The following ATXN2 variants were observed in gnomAD, a reference collection of about 807,000 sequenced individuals.
ATXN2 encodes the protein ataxin-2.
Under a neutral mutation model 138.6 loss-of-function variants are expected in ATXN2, and 37 were observed. That is an observed-to-expected ratio of 0.27 (90% confidence interval 0.21 to 0.35). The LOEUF (loss-of-function observed/expected upper bound fraction) is 0.35, where lower values mean the gene tolerates loss of function less well. Ranked by LOEUF, ATXN2 falls within the 10% of genes least tolerant of loss-of-function variation. The probability of loss-of-function intolerance (pLI) is 1.00; values close to 1 mark genes in which losing one functional copy is unlikely to be tolerated. For missense variants in ATXN2, 1,216 were observed against 1,480.3 expected (o/e 0.82, Z 2.93); for synonymous variants, 549 against 543.7 (o/e 1.01, Z -0.13).
intron 14 of ATXN2, among the ~76,000 whole-genome samples, chr12:111,489,701 T>C (rs1162444612): frequency 6.6e-6 from 1 of 151,240 alleles, no homozygotes; most frequent in African/African-American, 2.4e-5. Context: ...ACAAGCAGAC[T>C]GCTTAAGCTC....
At chr12:111,456,323 C>T (rs1875093836) in intron 22 of ATXN2, 67 bp from the exon 23 acceptor site, 17 of 1,541,324 alleles carry the variant, frequency 1.1e-5, no homozygotes, top group African/African-American at 5.5e-5. Context: ...GGGATACCCA[C>T]AAAGCTAAGC....
At position 111,553,604 on chromosome 12, in the gene ATXN2, A is replaced by AAAATTTTTTTTT. The variant is rs1882237738; in HGVS notation, c.348+553_348+554insAAAAAAAAATTT. ...AAAAAAAAAAAAAAAAAAAAAAAAA[A>AAAATTTTTTTTT]TTTTTTTTTTTGAGAAGGGGTCTGT... is the stretch of plus-strand genomic sequence containing the variant. On this transcript the variant is annotated intron_variant, in intron 3 of 24. Transcript: ENST00000673436. Among the ~76,000 whole-genome samples the AAAATTTTTTTTT allele has an allele frequency of 2.4e-3, 208 of 84,986 alleles. 5 individuals are homozygous for AAAATTTTTTTTT. The highest frequency in any genetic ancestry group is 0.019 in the South Asian group (29 of 1,566). The allele number at this position is 84,986 out of a possible 152,430, so 55.8% of individuals were successfully genotyped here.
intron 7 of ATXN2, 48 bp from the exon 8 acceptor site, chr12:111,520,124 G>C (rs1373143188): frequency 1.3e-6 from 2 of 1,586,234 alleles, no homozygotes; most frequent in South Asian, 2.2e-5. Context: ...TAAAGCCACA[G>C]TTTATGTATC....
intron 1 of ATXN2, among the ~76,000 whole-genome samples, chr12:111,566,777 T>C (rs375372640): frequency 6.6e-6 from 1 of 151,980 alleles, no homozygotes; most frequent in African/African-American, 2.4e-5. Context: ...GCTGGGATTA[T>C]AGGCGCCCGC....
chr12:111,506,653 C>T (rs1440223786), intron 14 of ATXN2, among the ~76,000 whole-genome samples: 2 of 148,356 alleles, frequency 1.3e-5, no homozygotes, highest in Non-Finnish European at 3.0e-5. Context: ...CCTCCCCCTC[C>T]TTCTCCTTCT....
Position 111,525,236 on chromosome 12 carries a change from C to T in ATXN2, c.652G>A (p.Glu218Lys), listed in dbSNP as rs779689400. The change falls in exon 6 of 25, where the codon GAA becomes AAA. Residue 218 changes from glutamate (E) to lysine (K), a missense_variant. Transcript: ENST00000673436. ...EKDLEPWDAG[E>K]LTANEELEAL... is the part of the protein sequence containing the mutation. ...TCAAGTTCCTCATTGGCTGTGAGTT[C>T]ACCTGCATCCCAGGGCTCCAGGTCC... is the stretch of plus-strand genomic sequence containing the variant. 1.9e-6 allele frequency: 3 copies of T among 1,613,536 alleles called. No individual in the cohort carries two copies. The highest frequency in any genetic ancestry group is 1.3e-5 in the African/African-American group (1 of 74,912).
At chr12:111,543,319 T>A (rs936719095) in intron 5 of ATXN2, among the ~76,000 whole-genome samples, 15 of 152,204 alleles carry the variant, frequency 9.9e-5, no homozygotes, top group African/African-American at 3.6e-4. Flanking sequence ...AAGACAACCA[T>A]ATGAGAACAC....
In ATXN2 at chr12:111,552,855, T is replaced by C. The variant is rs1254958083; in HGVS notation, c.420+51A>G. On this transcript the variant is annotated intron_variant, in intron 4 of 24. Transcript: ENST00000673436. The surrounding 1 kb of genome is among the most constrained non-coding windows in gnomAD (Gnocchi z 4.1). ...TTTAAAAACTAGGTAAAACACTGACTATGAAAATGTTCTTTTACTTTGTAA... is the reference window on the plus strand; with the variant it reads ...TTTAAAAACTAGGTAAAACACTGACCATGAAAATGTTCTTTTACTTTGTAA... 1 of 1,257,882 alleles carries C rather than the reference T, an allele frequency of 7.9e-7. No individual in the cohort carries two copies. Among genetic ancestry groups the C allele is most frequent in the Non-Finnish European group, 1.1e-6 (1 of 905,694 alleles). 77.9% of individuals were successfully genotyped at this position (1,257,882 alleles called of 1,614,324 possible).
intron 1 of ATXN2, among the ~76,000 whole-genome samples, chr12:111,568,214 T>C (rs796611217): frequency 9.9e-5 from 15 of 151,358 alleles, no homozygotes; most frequent in African/African-American, 3.6e-4. Context: ...TAAGCCAATA[T>C]CACGACAATG....
chr12:111,477,180 TAAA>T (rs57940846), intron 18 of ATXN2, among the ~76,000 whole-genome samples: 3 of 121,658 alleles, frequency 2.5e-5, no homozygotes. Context: ...CTGTCTCTAC[TAAA>T]AAAAAAAAAA....
Position 111,599,147 on chromosome 12 carries a change from C to CGG in ATXN2, c.-115_-114dup. On this transcript the variant is annotated 5_prime_UTR_variant, in exon 1 of 25. Coordinates refer to ENST00000673436, the MANE Select transcript of ATXN2 (RefSeq NM_001372574.1). ...CGCGCGGGCGCCGAGCGGGGAGGCG[C>CGG]GGGTTGGCGCGGCCGGAGGGGCGCC... 8.3e-7 allele frequency: 1 copy of CGG among 1,211,192 alleles called. No homozygotes were observed. The highest frequency in any genetic ancestry group is 1.0e-6 in the Non-Finnish European group (1 of 975,888). 75.0% of individuals were successfully genotyped at this position (1,211,192 alleles called of 1,614,324 possible).
At chr12:111,510,669 G>GTAAA in intron 11 of ATXN2, 87 bp from the exon 12 acceptor site, 1 of 1,281,314 alleles carries the variant, frequency 7.8e-7, no homozygotes. Context: ...GAAGATCTAG[G>GTAAA]TAAATAAAAC....
Position 111,552,905 on chromosome 12 carries a change from C to T in ATXN2, c.420+1G>A. 6.5e-7 allele frequency: 1 copy of T among 1,541,276 alleles called. No individual in the cohort carries two copies. On this transcript the variant is annotated splice_donor_variant, in intron 4 of 24. Coordinates refer to ENST00000673436, the MANE Select transcript of ATXN2 (RefSeq NM_001372574.1). LOFTEE classifies it high-confidence loss of function. This position sits in a 1 kb window ranked among gnomAD's most constrained non-coding sequence, Gnocchi z 4.1. ...AGAAAAAGAAAAAAAGTAAAAATTA[C>T]CTTCGGACTGTAAGTTTTAAAAACT... is the stretch of plus-strand genomic sequence containing the variant.
intron 21 of ATXN2, among the ~76,000 whole-genome samples, chr12:111,462,432 G>GATC (rs1875652744): frequency 6.6e-6 from 1 of 152,218 alleles, no homozygotes; most frequent in African/African-American, 2.4e-5. Flanking sequence ...AGTCATAAGA[G>GATC]ATCACCAGCA....
chr12:111,588,094 G>T lies in ATXN2; in HGVS notation c.251+10690C>A, dbSNP rs139845202. Among the ~76,000 whole-genome samples, 675 of 152,056 alleles carry T rather than the reference G, an allele frequency of 4.4e-3. 3 individuals carry two copies. Among genetic ancestry groups the T allele is most frequent in the African/African-American group, 0.015 (627 of 41,470 alleles). On this transcript the variant is annotated intron_variant, in intron 1 of 24. Transcript: ENST00000673436. Reference sequence around the variant, plus strand: ...TCCAACTACTTGGGAGGCTGAGGTGGGAGGATGGCTTGAACCCGGGAGACA... The same window carrying T: ...TCCAACTACTTGGGAGGCTGAGGTGTGAGGATGGCTTGAACCCGGGAGACA...
intron 1 of ATXN2, among the ~76,000 whole-genome samples, chr12:111,565,280 T>A (rs1344721517): frequency 6.6e-6 from 1 of 152,162 alleles, no homozygotes; most frequent in Admixed American, 6.5e-5. Flanking sequence ...AAGCTGACCG[T>A]CTGTGGAAAC....
intron 21 of ATXN2, chr12:111,461,376 A>G (rs1463604612): frequency 6.6e-6 from 1 of 152,136 alleles, no homozygotes; most frequent in Non-Finnish European, 1.5e-5. Context: ...AGAGTGGGGA[A>G]GGAGAATAGC....
rs563294903 is a variant in ATXN2 at position 111,536,683 on chromosome 12, C to T, written c.572-11367G>A. On this transcript the variant is annotated intron_variant, in intron 5 of 24. Coordinates refer to ENST00000673436, the MANE Select transcript of ATXN2 (RefSeq NM_001372574.1). ...AAAGGTTCAACATAGATTTAGCATA[C>T]GAGCCAGCAATTATCTTGCAGGTAT... Among the ~76,000 whole-genome samples the T allele has an allele frequency of 4.0e-5, 6 of 151,344 alleles. No homozygotes were observed. The South Asian group carries it at 1.0e-3, about 26-fold the overall frequency.
chr12:111,598,297 C>A lies in ATXN2; in HGVS notation c.251+487G>T. ...ACCCCTTTAACCGGCACGGGGGACG[C>A]GGCCCTAACTTCTCCCCTCCAGAGA... On this transcript the variant is annotated intron_variant, in intron 1 of 24. Coordinates refer to ENST00000673436, the MANE Select transcript of ATXN2 (RefSeq NM_001372574.1). The surrounding 1 kb of genome is among the most constrained non-coding windows in gnomAD (Gnocchi z 4.5). 1 of 1,003,004 alleles carries A rather than the reference C, an allele frequency of 1.0e-6. No individual in the cohort carries two copies. The highest frequency in any genetic ancestry group is 4.2e-5 in the South Asian group (1 of 23,736). 62.1% of individuals were successfully genotyped at this position (1,003,004 alleles called of 1,614,324 possible). A position where few individuals can be genotyped will look rare whatever the true frequency, so the allele number is the denominator to read the frequency against.
Sources: gnomAD v4.1 joint callset for allele counts (sites outside exome capture counted in the v4.1 genomes callset) on GRCh38, gnomAD v4.1.1 for gene constraint, Gnocchi (gnomAD v3.1) non-coding constraint, MANE v1.5 for transcripts, NCBI Gene and HGNC (gene_info 2026-07-23, HGNC 2026-07-21) for gene names.